Variants in DHX33 observed in about 807,000 individuals in gnomAD.
The protein encoded by DHX33 is ATP-dependent RNA helicase DHX33.
DHX33 carries 42 observed loss-of-function variants against 72.5 expected under a neutral mutation model. The observed-to-expected ratio is 0.58, with a 90% CI of 0.45 to 0.75. The LOEUF (loss-of-function observed/expected upper bound fraction) is 0.75, where lower values mean the gene tolerates loss of function less well. Among genes scored for constraint, DHX33 ranks in the 30% least tolerant of loss-of-function variants. The probability of loss-of-function intolerance (pLI) is 0.00; values close to 1 mark genes in which losing one functional copy is unlikely to be tolerated. For synonymous variants in DHX33, 358 were observed against 366.1 expected (o/e 0.98, Z 0.25); for missense variants, 842 against 917.5 (o/e 0.92, Z 1.06).
intron 6 of DHX33, among the ~76,000 whole-genome samples, chr17:5,454,837 T>C (rs1044445008): frequency 2.0e-5 from 3 of 152,192 alleles, no homozygotes; most frequent in African/African-American, 7.2e-5. Context: ...TAGTTTCTGA[T>C]GACACCCTTT....
At position 5,468,794 on chromosome 17, in the gene DHX33, G is replaced by T; in HGVS notation, c.66C>A (p.Arg22=). 1.2e-6 allele frequency: 2 copies of T among 1,601,192 alleles called. No homozygotes were observed. Among genetic ancestry groups the T allele is most frequent in the Non-Finnish European group, 1.7e-6 (2 of 1,174,182 alleles). The change falls in exon 1 of 12, where the codon CGC becomes CGA. Residue 22 remains arginine (R), a synonymous_variant. Transcript: ENST00000225296. ...GCCTCCCGGGAGGGAAGGACCCAGCGCGGCTCGGAGGTCCAGAGCCTGGCC... is the reference window on the plus strand; with the variant it reads ...GCCTCCCGGGAGGGAAGGACCCAGCTCGGCTCGGAGGTCCAGAGCCTGGCC... ...RFRPGSGPPS[R]AGSFPPGRQV...
intron 4 of DHX33, among the ~76,000 whole-genome samples, chr17:5,459,298 A>T (rs1027653329): frequency 3.3e-5 from 5 of 152,222 alleles, no homozygotes; most frequent in African/African-American, 1.2e-4. Context: ...ATTTTATACA[A>T]ATTAAACAAA....
Position 5,460,503 on chromosome 17 carries a change from G to GT in DHX33, c.849+435dup, listed in dbSNP as rs934730522. ...ACAGCAAATGAACTCCTTATTCATT[G>GT]TTTTTTTTTTGTTTTTTTTTTCAGA... On this transcript the variant is annotated intron_variant, in intron 4 of 11. Coordinates refer to ENST00000225296, the MANE Select transcript of DHX33 (RefSeq NM_020162.4). Among the ~76,000 whole-genome samples the GT allele has an allele frequency of 5.0e-3, 721 of 144,836 alleles. 2 individuals carry two copies. The highest frequency in any genetic ancestry group is 0.014 in the African/African-American group (553 of 39,536).
At chr17:5,453,782 G>A (rs1567599761) in intron 7 of DHX33, 39 bp downstream of exon 7, 1 of 1,613,268 alleles carries the variant, frequency 6.2e-7, no homozygotes, top group Non-Finnish European at 8.5e-7. Flanking sequence ...GAGAGACATG[G>A]TGACAAACAG....
rs1307171792 is a variant in DHX33 at position 5,441,325 on chromosome 17, G to A, written c.*2880C>T. 6.6e-6 allele frequency: 1 copy of A among 152,188 alleles called. No homozygotes were observed. The highest frequency in any genetic ancestry group is 1.5e-5 in the Non-Finnish European group (1 of 68,040). 9.4% of individuals were successfully genotyped at this position (152,188 alleles called of 1,614,324 possible). A position where few individuals can be genotyped will look rare whatever the true frequency, so the allele number is the denominator to read the frequency against. Reference sequence around the variant, plus strand: ...CCTGCTGTTTGCAGTCCTGCCCCTTGTAGTGTTACTCTGGGTGTTGCACAC... The same window carrying A: ...CCTGCTGTTTGCAGTCCTGCCCCTTATAGTGTTACTCTGGGTGTTGCACAC... On this transcript the variant is annotated 3_prime_UTR_variant, in exon 12 of 12. Coordinates refer to ENST00000225296, the MANE Select transcript of DHX33 (RefSeq NM_020162.4).
chr17:5,454,061 G>C (rs950508596), intron 6 of DHX33, 81 bp from the exon 7 acceptor site: 2 of 1,525,980 alleles, frequency 1.3e-6, no homozygotes, highest in African/African-American at 2.7e-5. Flanking sequence ...AAGCACACCA[G>C]TGGTTCTTTC....
At chr17:5,451,070 A>AAGTGTGTCAAGGGGG in intron 8 of DHX33, 136 bp from the exon 9 acceptor site, 1 of 966,856 alleles carries the variant, frequency 1.0e-6, no homozygotes, top group Non-Finnish European at 1.5e-6. Context: ...CCCCCTTGAC[A>AAGTGTGTCAAGGGGG]CACTTGTCAA....
chr17:5,454,245 G>A (rs1315145998), intron 6 of DHX33, among the ~76,000 whole-genome samples: 1 of 152,202 alleles, frequency 6.6e-6, no homozygotes, highest in Non-Finnish European at 1.5e-5. Context: ...GAGAAGAGTA[G>A]TTTCCGAGGT....
At chr17:5,456,654 A>G (rs1202433388) in intron 4 of DHX33, among the ~76,000 whole-genome samples, 1 of 152,232 alleles carries the variant, frequency 6.6e-6, no homozygotes, top group Non-Finnish European at 1.5e-5. Flanking sequence ...CAAGTGATGA[A>G]ATTTTGAAGG....
intron 5 of DHX33, 88 bp from the exon 6 acceptor site, chr17:5,455,359 A>G: frequency 9.4e-7 from 1 of 1,062,492 alleles, no homozygotes; most frequent in Non-Finnish European, 1.4e-6. Context: ...AACTTCCACA[A>G]TTCACTCTTG....
In DHX33 at chr17:5,450,260, C is replaced by T; in HGVS notation, c.1671G>A (p.Gly557=). The T allele has an allele frequency of 1.9e-6, 3 of 1,614,154 alleles. No homozygotes were observed. Among genetic ancestry groups the T allele is most frequent in the Admixed American group, 1.7e-5 (1 of 60,016 alleles). ...GVRKKFISSE[G]DHMTLLNIYR... The stretch of plus-strand genomic sequence containing the variant: ...AGATATTGAGCAGGGTCATGTGATC[C>T]CCCTCGCTGGATATGAACTTCTTGC... The change falls in exon 10 of 12, where the codon GGG becomes GGA. Residue 557 remains glycine, a synonymous_variant. Coordinates refer to ENST00000225296, the MANE Select transcript of DHX33 (RefSeq NM_020162.4).
At position 5,444,602 on chromosome 17, in the gene DHX33, T is replaced by A; in HGVS notation, c.1816-89A>T. On this transcript the variant is annotated intron_variant, in intron 11 of 11. Coordinates refer to ENST00000225296, the MANE Select transcript of DHX33 (RefSeq NM_020162.4). This position sits in a 1 kb window ranked among gnomAD's most constrained non-coding sequence, Gnocchi z 4.9. ...AGCGTGTTGGGGCAACTGGACCCACTGGGGCAAAAGCAGCCCACATTGTGA... is the reference window on the plus strand; with the variant it reads ...AGCGTGTTGGGGCAACTGGACCCACAGGGGCAAAAGCAGCCCACATTGTGA... 1 of 1,367,606 alleles carries A rather than the reference T, an allele frequency of 7.3e-7. No individual in the cohort carries two copies. Among genetic ancestry groups the A allele is most frequent in the Admixed American group, 2.1e-5 (1 of 47,862 alleles). The allele number at this position is 1,367,606 out of a possible 1,614,324, so 84.7% of individuals were successfully genotyped here.
At chr17:5,454,006 T>C in intron 6 of DHX33, 26 bp from the exon 7 acceptor site, 11 of 1,609,070 alleles carry the variant, frequency 6.8e-6, no homozygotes, top group Non-Finnish European at 9.3e-6. Context: ...GCCCCATTAG[T>C]GCTTCATCAC....
In DHX33 at chr17:5,444,641, G is replaced by A. The variant is rs1224835188; in HGVS notation, c.1816-128C>T. On this transcript the variant is annotated intron_variant, in intron 11 of 11. Coordinates refer to ENST00000225296, the MANE Select transcript of DHX33 (RefSeq NM_020162.4). The surrounding 1 kb of genome is among the most constrained non-coding windows in gnomAD (Gnocchi z 4.9). Reference sequence around the variant, plus strand: ...CCCACATTGTGAGCCTAACGATGTGGATTCTGACATTCGGAGGTGGTCACC... The same window carrying A: ...CCCACATTGTGAGCCTAACGATGTGAATTCTGACATTCGGAGGTGGTCACC... 7.2e-6 allele frequency: 7 copies of A among 975,786 alleles called. No homozygotes were observed. The highest frequency in any genetic ancestry group is 5.1e-5 in the Admixed American group (2 of 39,056). The allele number at this position is 975,786 out of a possible 1,614,324, so 60.4% of individuals were successfully genotyped here.
At chr17:5,455,915 G>A in intron 5 of DHX33, 82 bp downstream of exon 5, 1 of 1,434,036 alleles carries the variant, frequency 7.0e-7, no homozygotes, top group Non-Finnish European at 9.5e-7. Context: ...CTTATCTGGA[G>A]CCTGGTAACA....
chr17:5,451,413 C>CT (rs1469175516), intron 8 of DHX33, among the ~76,000 whole-genome samples: 4 of 152,020 alleles, frequency 2.6e-5, no homozygotes, highest in Non-Finnish European at 5.9e-5. Context: ...CCTCAATTTT[C>CT]TTTTTAAATG....
chr17:5,454,402 T>C (rs1917099612), intron 6 of DHX33, among the ~76,000 whole-genome samples: 1 of 152,186 alleles, frequency 6.6e-6, no homozygotes, highest in Non-Finnish European at 1.5e-5. Flanking sequence ...CGAAATTAAA[T>C]GCCTCAAATC....
At chr17:5,464,553 A>G (rs1904785820) in intron 1 of DHX33, among the ~76,000 whole-genome samples, 1 of 152,194 alleles carries the variant, frequency 6.6e-6, no homozygotes, top group South Asian at 2.1e-4. Context: ...CTTGACCCAC[A>G]ATTCTACTTG....
intron 5 of DHX33, 128 bp downstream of exon 5, chr17:5,455,869 C>T (rs113744222): frequency 6.1e-5 from 61 of 995,846 alleles, no homozygotes; most frequent in African/African-American, 1.6e-4. Flanking sequence ...CTCCTCAGTG[C>T]GCTGATCTGG....
Sources: gnomAD v4.1 joint callset for allele counts (sites outside exome capture counted in the v4.1 genomes callset) on GRCh38, gnomAD v4.1.1 for gene constraint, Gnocchi (gnomAD v3.1) non-coding constraint, MANE v1.5 for transcripts, NCBI Gene and HGNC (gene_info 2026-07-23, HGNC 2026-07-21) for gene names.